MDGA2: variants seen among roughly 807,000 people sequenced by gnomAD.
MDGA2 encodes the protein MAM domain-containing glycosylphosphatidylinositol anchor protein 2.
MDGA2 carries 40 observed loss-of-function variants against 117.8 expected under a neutral mutation model. The ratio of observed to expected loss-of-function variants is 0.34; its 90% CI spans 0.26 to 0.44. MDGA2 has a LOEUF of 0.44. Among genes scored for constraint, MDGA2 ranks in the 20% least tolerant of loss-of-function variants. MDGA2 has a pLI of 1.00. For missense variants in MDGA2, 1,123 were observed against 1,250.6 expected, an observed-to-expected ratio of 0.90 and a Z score of 1.54; for synonymous variants, 452 against 439.0, an observed-to-expected ratio of 1.03 and a Z score of -0.37.
intron 1 of MDGA2, among the ~76,000 whole-genome samples, chr14:47,431,258 C>G (rs1892792826): frequency 6.6e-6 from 1 of 151,874 alleles, no homozygotes; most frequent in Non-Finnish European, 1.5e-5. Flanking sequence ...GCAACTCACT[C>G]AGCTTTGAAA....
intron 10 of MDGA2, among the ~76,000 whole-genome samples, chr14:46,897,232 A>C (rs1475199823): frequency 1.3e-5 from 2 of 152,100 alleles, no homozygotes; most frequent in Admixed American, 1.3e-4. Context: ...ATCACTCTCC[A>C]CTGAAGTGTG....
chr14:46,875,723 C>T (rs546454607), intron 12 of MDGA2, among the ~76,000 whole-genome samples: 5 of 151,430 alleles, frequency 3.3e-5, no homozygotes, highest in South Asian at 4.1e-4. Flanking sequence ...GCTACTCTGG[C>T]GGTTTGAATA....
intron 5 of MDGA2, among the ~76,000 whole-genome samples, chr14:47,125,430 C>A (rs1462343257): frequency 6.6e-6 from 1 of 151,924 alleles, no homozygotes; most frequent in African/African-American, 2.4e-5. Flanking sequence ...CTGAAATTCA[C>A]AACAATTTCT....
At chr14:46,990,853 AACAC>A (rs1290060460) in intron 8 of MDGA2, among the ~76,000 whole-genome samples, 1 of 117,816 alleles carries the variant, frequency 8.5e-6, no homozygotes, top group Non-Finnish European at 1.8e-5. Flanking sequence ...TATGGATTAG[AACAC>A]ACACACACCC....
intron 1 of MDGA2, among the ~76,000 whole-genome samples, chr14:47,411,271 CA>C (rs1022344639): frequency 6.6e-6 from 1 of 151,170 alleles, no homozygotes; most frequent in Non-Finnish European, 1.5e-5. Context: ...ACAACAACAA[CA>C]AAAAAACTCC....
intron 1 of MDGA2, among the ~76,000 whole-genome samples, chr14:47,597,210 G>A (rs566304518): frequency 6.6e-6 from 1 of 151,914 alleles, no homozygotes; most frequent in Non-Finnish European, 1.5e-5. Context: ...AAATCTAAGA[G>A]AATCATTAAA....
rs1287890204 is a variant in MDGA2 at position 46,854,076 on chromosome 14, G to A, written c.2883+948C>T. 2.6e-5 allele frequency among the ~76,000 whole-genome samples: 4 copies of A among 151,652 alleles called. No homozygotes were observed. In the East Asian group the frequency reaches 7.7e-4, roughly 29 times the overall value. On this transcript the variant is annotated intron_variant, in intron 15 of 16. Coordinates refer to ENST00000399232, the MANE Select transcript of MDGA2 (RefSeq NM_001113498.3). Reference sequence around the variant, plus strand: ...TTTATCATCCTGGTTTGATTTAGAAGTGCAATCTCCAAAGCAATTAGAATT... The same window carrying A: ...TTTATCATCCTGGTTTGATTTAGAAATGCAATCTCCAAAGCAATTAGAATT...
chr14:47,041,531 T>C (rs1271615448), intron 7 of MDGA2, among the ~76,000 whole-genome samples: 1 of 152,044 alleles, frequency 6.6e-6, no homozygotes, highest in Non-Finnish European at 1.5e-5. Flanking sequence ...ATATAGTCTA[T>C]ACACAGCCCT....
At chr14:46,848,294 T>C (rs757015652) in intron 15 of MDGA2, among the ~76,000 whole-genome samples, 2 of 151,978 alleles carry the variant, frequency 1.3e-5, no homozygotes, top group African/African-American at 2.4e-5. Flanking sequence ...AGGTAAAAAG[T>C]TTGAAGAAAA....
intron 1 of MDGA2, among the ~76,000 whole-genome samples, chr14:47,322,931 A>G (rs543353662): frequency 6.3e-4 from 95 of 151,914 alleles, no homozygotes; most frequent in African/African-American, 2.2e-3. Context: ...TCTTACACAC[A>G]CATACATCCT....
At chr14:47,323,613 C>G in intron 1 of MDGA2, among the ~76,000 whole-genome samples, 1 of 151,748 alleles carries the variant, frequency 6.6e-6, no homozygotes, top group Non-Finnish European at 1.5e-5. Flanking sequence ...GGCTGGGCAA[C>G]AGAGTAAGAC....
At chr14:46,854,910 G>T (rs1293422189) in intron 15 of MDGA2, 114 bp downstream of exon 15, 2 of 892,830 alleles carry the variant, frequency 2.2e-6, no homozygotes, top group Non-Finnish European at 3.2e-6. Context: ...TATAATTTTT[G>T]TGATGCTTAT....
intron 1 of MDGA2, among the ~76,000 whole-genome samples, chr14:47,666,486 C>T (rs74447109): frequency 4.6e-5 from 7 of 152,208 alleles, no homozygotes; most frequent in African/African-American, 1.4e-4. Context: ...ATACACCAAT[C>T]GACACTCTGT....
Position 47,630,455 on chromosome 14 carries a change from GACA to G in MDGA2, c.280+44059_280+44061del, listed in dbSNP as rs1594952808. ...CAAAGATTATGTAATGCATTTCAGT[GACA>G]GATAACACAAGTTGATGATCCAAAC... is the stretch of plus-strand genomic sequence containing the variant. On this transcript the variant is annotated intron_variant, in intron 1 of 16. Coordinates refer to ENST00000399232, the MANE Select transcript of MDGA2 (RefSeq NM_001113498.3). Among the ~76,000 whole-genome samples, 6 of 152,226 alleles carry G rather than the reference GACA, an allele frequency of 3.9e-5. No homozygotes were observed. The East Asian group carries it at 1.2e-3, about 29-fold the overall frequency.
chr14:46,950,508 G>T (rs79687698), intron 9 of MDGA2, among the ~76,000 whole-genome samples: 1 of 151,764 alleles, frequency 6.6e-6, no homozygotes, highest in Non-Finnish European at 1.5e-5. Context: ...TTATTTTTCA[G>T]TACAGCTGCA....
At chr14:47,209,271 G>C (rs1885798223) in intron 3 of MDGA2, among the ~76,000 whole-genome samples, 1 of 152,134 alleles carries the variant, frequency 6.6e-6, no homozygotes, top group Admixed American at 6.5e-5. Flanking sequence ...AGTTCGAGTA[G>C]AGTGGTTTTC....
chr14:46,849,485 T>A (rs1397256142), intron 15 of MDGA2, among the ~76,000 whole-genome samples: 1 of 151,878 alleles, frequency 6.6e-6, no homozygotes, highest in East Asian at 1.9e-4. Flanking sequence ...TAGACTAAGA[T>A]CTAGAGAGAG....
intron 4 of MDGA2, among the ~76,000 whole-genome samples, chr14:47,135,022 T>C (rs964092288): frequency 3.9e-5 from 6 of 152,070 alleles, no homozygotes; most frequent in African/African-American, 1.4e-4. Flanking sequence ...ACAAATTCTG[T>C]TTCAATTTGC....
intron 1 of MDGA2, among the ~76,000 whole-genome samples, chr14:47,487,269 T>C (rs767197591): frequency 1.8e-4 from 28 of 152,344 alleles, no homozygotes; most frequent in Non-Finnish European, 3.5e-4. Flanking sequence ...GGAGAGTTTA[T>C]AGACCACATT....
Sources: gnomAD v4.1 joint callset for allele counts (sites outside exome capture counted in the v4.1 genomes callset) on GRCh38, gnomAD v4.1.1 for gene constraint, MANE v1.5 for transcripts, NCBI Gene and HGNC (gene_info 2026-07-23, HGNC 2026-07-21) for gene names.